RAE1: variants seen among roughly 807,000 people sequenced by gnomAD.
RAE1 encodes mRNA export factor RAE1.
RAE1 carries 13 observed loss-of-function variants against 52.7 expected under a neutral mutation model. The observed-to-expected ratio is 0.25, with a 90% CI of 0.16 to 0.39. RAE1 has a LOEUF of 0.39. Among genes scored for constraint, RAE1 ranks in the 10% least tolerant of loss-of-function variants. RAE1 has a pLI of 1.00. For missense variants in RAE1, 262 were observed against 459.8 expected (o/e 0.57, Z 3.93); for synonymous variants, 164 against 153.1 (o/e 1.07, Z -0.52).
At chr20:57,364,157 A>T (rs1600716980) in intron 4 of RAE1, among the ~76,000 whole-genome samples, 1 of 152,344 alleles carries the variant, frequency 6.6e-6, no homozygotes, top group East Asian at 1.9e-4. Context: ...GGTAAAGTTG[A>T]ATCTTCAGTA....
chr20:57,365,172 A>G (rs1413643807), intron 4 of RAE1, among the ~76,000 whole-genome samples, 184 bp from the exon 5 acceptor site: 3 of 152,354 alleles, frequency 2.0e-5, no homozygotes, highest in East Asian at 1.9e-4. Flanking sequence ...TAAGTCAATC[A>G]TGAAATAGAT....
At chr20:57,363,213 T>G (rs1472357291) in intron 4 of RAE1, among the ~76,000 whole-genome samples, 2 of 152,230 alleles carry the variant, frequency 1.3e-5, no homozygotes, top group African/African-American at 4.8e-5. Context: ...TTGTTTAATC[T>G]TTCTAAATTT....
At chr20:57,373,191 C>T (rs2067061791) in intron 8 of RAE1, 1 of 419,464 alleles carries the variant, frequency 2.4e-6, no homozygotes, top group South Asian at 2.5e-5. Flanking sequence ...TGCCTCGCAG[C>T]CCATGGGGCT....
At chr20:57,360,416 G>A (rs2066875353) in intron 4 of RAE1, among the ~76,000 whole-genome samples, 1 of 152,202 alleles carries the variant, frequency 6.6e-6, no homozygotes, top group Admixed American at 6.5e-5. Flanking sequence ...TAGGCCAGGG[G>A]CAAGAGGTGG....
intron 11 of RAE1, among the ~76,000 whole-genome samples, chr20:57,377,179 T>G (rs567885756): frequency 3.3e-5 from 5 of 152,288 alleles, no homozygotes; most frequent in East Asian, 3.9e-4. Flanking sequence ...TTGGCATGCC[T>G]GTTGGGAAGA....
At position 57,373,581 on chromosome 20, in the gene RAE1, CG is replaced by C; in HGVS notation, c.749+1del. Reference sequence around the variant, plus strand: ...ATTCACTATATCAACCCCCCGAACCCGTAAGTGTGACTCTGTCAGCTTGCAG... The same window carrying C: ...ATTCACTATATCAACCCCCCGAACCCTAAGTGTGACTCTGTCAGCTTGCAG... On this transcript the variant is annotated splice_donor_variant, in intron 9 of 11. Transcript: ENST00000395841. LOFTEE classifies it high-confidence loss of function. The C allele has an allele frequency of 6.2e-7, 1 of 1,613,682 alleles. No homozygotes were observed. The highest frequency in any genetic ancestry group is 8.5e-7 in the Non-Finnish European group (1 of 1,179,616).
At chr20:57,352,671 G>A (rs1024868637) in intron 1 of RAE1, among the ~76,000 whole-genome samples, 3 of 152,230 alleles carry the variant, frequency 2.0e-5, no homozygotes, top group Admixed American at 6.5e-5. Flanking sequence ...TAGAGTGAAA[G>A]TAATATTTAT....
chr20:57,352,346 G>A (rs759707322), intron 1 of RAE1, among the ~76,000 whole-genome samples: 15 of 152,290 alleles, frequency 9.8e-5, no homozygotes, highest in South Asian at 2.1e-4. Context: ...GGAGGGAGAA[G>A]CAAATCATCC....
Position 57,374,866 on chromosome 20 carries a change from G to T in RAE1, c.1020+65G>T, listed in dbSNP as rs1483697098. 1.9e-6 allele frequency: 3 copies of T among 1,575,130 alleles called. No homozygotes were observed. In the Middle Eastern group the frequency reaches 5.0e-4, roughly 263 times the overall value. ...CAGAGCCAGGCTCTGGGTTCAGAAGGCCTAGGCCTGAGTTGTGACTCTTCT... is the reference window on the plus strand; with the variant it reads ...CAGAGCCAGGCTCTGGGTTCAGAAGTCCTAGGCCTGAGTTGTGACTCTTCT... On this transcript the variant is annotated intron_variant, in intron 11 of 11. Transcript: ENST00000395841.
chr20:57,374,814 G>C lies in RAE1; in HGVS notation c.1020+13G>C. The C allele has an allele frequency of 6.2e-7, 1 of 1,614,094 alleles. No individual in the cohort carries two copies. The highest frequency in any genetic ancestry group is 8.5e-7 in the Non-Finnish European group (1 of 1,180,002). On this transcript the variant is annotated intron_variant, in intron 11 of 11. Transcript: ENST00000395841. Reference sequence around the variant, plus strand: ...CGACTGGTCAAAGGTGAGAACTCCCGGGCCTGCTCTGGGTGCTCCAAGGCA... The same window carrying C: ...CGACTGGTCAAAGGTGAGAACTCCCCGGCCTGCTCTGGGTGCTCCAAGGCA...
rs946556856 is a variant in RAE1, at chr20:57,366,872, G to A, written c.441G>A (p.Gly147=). The change falls in exon 6 of 12, where the codon GGG becomes GGA. Residue 147 remains glycine (G), a synonymous_variant. Transcript: ENST00000395841. ...KAPNYSCVMT[G]SWDKTLKFWD... ...CAAACTACAGCTGTGTGATGACTGG[G>A]AGCTGGGATAAGACTTTAAAGGTAT... 2 of 1,612,878 alleles carry A rather than the reference G, an allele frequency of 1.2e-6. No homozygotes were observed. Among genetic ancestry groups the A allele is most frequent in the African/African-American group, 2.7e-5 (2 of 74,874 alleles).
At chr20:57,369,919 C>T (rs932562188) in intron 8 of RAE1, among the ~76,000 whole-genome samples, 9 of 152,154 alleles carry the variant, frequency 5.9e-5, no homozygotes, top group Admixed American at 3.3e-4. Flanking sequence ...AGGTGGAAGC[C>T]GTCCTGCTAA....
intron 4 of RAE1, among the ~76,000 whole-genome samples, chr20:57,361,778 A>G (rs1408154607): frequency 2.6e-5 from 4 of 152,206 alleles, no homozygotes; most frequent in African/African-American, 9.7e-5. Flanking sequence ...TAATCCATCA[A>G]GATGTCTTAT....
At chr20:57,365,521 A>G (rs1455111562) in intron 5 of RAE1, 79 bp downstream of exon 5, 2 of 984,512 alleles carry the variant, frequency 2.0e-6, no homozygotes, top group African/African-American at 1.7e-5. Flanking sequence ...AATAATTATT[A>G]TAATTATAAT....
At chr20:57,372,132 A>G (rs1412404666) in intron 8 of RAE1, 1 of 152,266 alleles carries the variant, frequency 6.6e-6, no homozygotes, top group Non-Finnish European at 1.5e-5. Flanking sequence ...ATGTAGACTT[A>G]GAAATGTGTT....
At position 57,354,835 on chromosome 20, in the gene RAE1, C is replaced by A; in HGVS notation, c.195+19C>A. ...TAATGATGTAAGTGCTCCTTAAATA[C>A]GTGTTCTAGAAATCATCTCTCTTTG... On this transcript the variant is annotated intron_variant, in intron 3 of 11. Coordinates refer to ENST00000395841, the MANE Select transcript of RAE1 (RefSeq NM_003610.4). 6.5e-7 allele frequency: 1 copy of A among 1,528,118 alleles called. No individual in the cohort carries two copies. The highest frequency in any genetic ancestry group is 8.9e-7 in the Non-Finnish European group (1 of 1,125,116). The allele number at this position is 1,528,118 out of a possible 1,614,324, so 94.7% of individuals were successfully genotyped here.
chr20:57,354,450 C>T (rs1312772678), intron 2 of RAE1, among the ~76,000 whole-genome samples: 1 of 152,212 alleles, frequency 6.6e-6, no homozygotes, highest in Admixed American at 6.5e-5. Flanking sequence ...TGATCTAGCA[C>T]TGTGGGGCCA....
chr20:57,366,896 A>T lies in RAE1; in HGVS notation c.462+3A>T. 1 of 1,608,382 alleles carries T rather than the reference A, an allele frequency of 6.2e-7. No homozygotes were observed. The highest frequency in any genetic ancestry group is 8.5e-7 in the Non-Finnish European group (1 of 1,174,752). On this transcript the variant is annotated splice_donor_region_variant and intron_variant, in intron 6 of 11. Transcript: ENST00000395841. ...GGAGCTGGGATAAGACTTTAAAGGTATAATGTGCAGTTGAGGCATTGTTTG... is the reference window on the plus strand; with the variant it reads ...GGAGCTGGGATAAGACTTTAAAGGTTTAATGTGCAGTTGAGGCATTGTTTG...
chr20:57,367,390 G>C (rs967794815), intron 7 of RAE1, among the ~76,000 whole-genome samples: 2 of 152,284 alleles, frequency 1.3e-5, no homozygotes, highest in Middle Eastern at 3.4e-3. Flanking sequence ...AGGAAAACTT[G>C]CAGTAAGTTT....
Sources: gnomAD v4.1 joint callset for allele counts (sites outside exome capture counted in the v4.1 genomes callset) on GRCh38, gnomAD v4.1.1 for gene constraint, MANE v1.5 for transcripts, NCBI Gene and HGNC (gene_info 2026-07-23, HGNC 2026-07-21) for gene names.